Variants in NRG2 observed in about 807,000 individuals in gnomAD.
NRG2 encodes neuregulin 2.
Under a neutral mutation model 73.9 loss-of-function variants are expected in NRG2, and 27 were observed. The ratio of observed to expected loss-of-function variants is 0.37; its 90% CI spans 0.27 to 0.50. NRG2 has a LOEUF of 0.50. Ranked by LOEUF, NRG2 falls within the 20% of genes least tolerant of loss-of-function variation. The pLI, the probability that NRG2 is intolerant of heterozygous loss-of-function variation, is 0.96. For synonymous variants in NRG2, 532 were observed against 541.0 expected, an observed-to-expected ratio of 0.98 and a Z score of 0.23; for missense variants, 1,126 against 1,210.1, an observed-to-expected ratio of 0.93 and a Z score of 1.03.
At chr5:140,031,144 C>T (rs1761113074) in intron 1 of NRG2, among the ~76,000 whole-genome samples, 1 of 152,096 alleles carries the variant, frequency 6.6e-6, no homozygotes, top group Admixed American at 6.6e-5. Flanking sequence ...GAATTTTATA[C>T]CAAAAATTTC....
chr5:139,992,364 T>C (rs2126597471), intron 1 of NRG2, among the ~76,000 whole-genome samples: 1 of 152,360 alleles, frequency 6.6e-6, no homozygotes, highest in East Asian at 1.9e-4. Flanking sequence ...CTCCTATTAC[T>C]GCTAATAGTT....
chr5:139,977,731 G>A (rs2126550378), intron 1 of NRG2, among the ~76,000 whole-genome samples: 1 of 152,314 alleles, frequency 6.6e-6, no homozygotes, highest in East Asian at 1.9e-4. Context: ...GCATGGTACT[G>A]GTACCAAAAC....
intron 1 of NRG2, among the ~76,000 whole-genome samples, chr5:140,017,504 C>A (rs1759886273): frequency 6.6e-6 from 1 of 152,112 alleles, no homozygotes; most frequent in Non-Finnish European, 1.5e-5. Context: ...AGGAGGACAA[C>A]TAAGGAGGTA....
chr5:139,898,065 G>A (rs144624331), intron 1 of NRG2, among the ~76,000 whole-genome samples: 130 of 152,356 alleles, frequency 8.5e-4, no homozygotes, highest in Admixed American at 5.2e-3. Context: ...AGCACATTTC[G>A]AGTGCTGAGG....
At chr5:139,908,222 A>C (rs189569434) in intron 1 of NRG2, among the ~76,000 whole-genome samples, 1 of 152,246 alleles carries the variant, frequency 6.6e-6, no homozygotes, top group African/African-American at 2.4e-5. Flanking sequence ...TTAGTAAATA[A>C]TGGGAAGTTG....
Position 140,018,985 on chromosome 5 carries a change from C to A in NRG2, c.700+23385G>T, listed in dbSNP as rs181158195. Among the ~76,000 whole-genome samples, 87 of 152,262 alleles carry A rather than the reference C, an allele frequency of 5.7e-4. 1 individual carries two copies. The highest frequency in any genetic ancestry group is 1.2e-3 in the Non-Finnish European group (79 of 68,026). ...ATGCTGCCTCCTAGGTCCATATTATCCAAAGTTCCCAAAGCACAGGGTAAG... is the reference window on the plus strand; with the variant it reads ...ATGCTGCCTCCTAGGTCCATATTATACAAAGTTCCCAAAGCACAGGGTAAG... On this transcript the variant is annotated intron_variant, in intron 1 of 9. Transcript: ENST00000361474.
intron 1 of NRG2, among the ~76,000 whole-genome samples, chr5:139,893,374 T>C (rs984413087): frequency 6.6e-6 from 1 of 151,922 alleles, no homozygotes; most frequent in African/African-American, 2.4e-5. Context: ...CATGCATATT[T>C]TCTCATGCAG....
chr5:139,874,979 C>A (rs914986235), intron 3 of NRG2, among the ~76,000 whole-genome samples: 1 of 152,216 alleles, frequency 6.6e-6, no homozygotes, highest in African/African-American at 2.4e-5. Context: ...TATAGCTATT[C>A]TAGCATAATT....
Position 139,904,408 on chromosome 5 carries a change from G to T in NRG2, c.701-16897C>A. Reference sequence around the variant, plus strand: ...CCTGGACTCCGACATTCTGCACGGGGTCCCAGGCGGTGGGACGGCCTCAGC... The same window carrying T: ...CCTGGACTCCGACATTCTGCACGGGTTCCCAGGCGGTGGGACGGCCTCAGC... On this transcript the variant is annotated intron_variant, in intron 1 of 9. Coordinates refer to ENST00000361474, the MANE Select transcript of NRG2 (RefSeq NM_004883.3). This position sits in a 1 kb window ranked among gnomAD's most constrained non-coding sequence, Gnocchi z 6.0. 1 of 1,495,286 alleles carries T rather than the reference G, an allele frequency of 6.7e-7. No individual in the cohort carries two copies. The highest frequency in any genetic ancestry group is 1.2e-5 in the South Asian group (1 of 86,404). 92.6% of individuals were successfully genotyped at this position (1,495,286 alleles called of 1,614,324 possible).
intron 3 of NRG2, among the ~76,000 whole-genome samples, chr5:139,880,372 T>C (rs749272649): frequency 4.6e-5 from 7 of 152,054 alleles, no homozygotes; most frequent in Non-Finnish European, 1.0e-4. Context: ...GGGGAGGAGT[T>C]TGCCCTCCCT....
chr5:139,987,910 G>A (rs1040233204), intron 1 of NRG2, among the ~76,000 whole-genome samples: 5 of 152,006 alleles, frequency 3.3e-5, no homozygotes, highest in Non-Finnish European at 7.4e-5. Flanking sequence ...GAGTAGCTGG[G>A]ACTATAGGCG....
chr5:140,016,354 C>T (rs180964702), intron 1 of NRG2, among the ~76,000 whole-genome samples: 11 of 152,324 alleles, frequency 7.2e-5, no homozygotes, highest in African/African-American at 2.2e-4. Context: ...TTTAACTATA[C>T]GATTCTAATA....
intron 1 of NRG2, among the ~76,000 whole-genome samples, chr5:139,911,538 G>A (rs1435685478): frequency 2.0e-5 from 3 of 152,232 alleles, no homozygotes; most frequent in Admixed American, 6.5e-5. Flanking sequence ...TGTTAGGCTG[G>A]GAGAGGCAGT....
intron 6 of NRG2, 37 bp downstream of exon 6, chr5:139,855,639 G>A: frequency 6.4e-7 from 1 of 1,553,532 alleles, no homozygotes; most frequent in Non-Finnish European, 8.9e-7. Flanking sequence ...CCATCCCTTG[G>A]CTTGGCCTGT....
intron 1 of NRG2, among the ~76,000 whole-genome samples, chr5:139,968,623 C>T (rs1755742269): frequency 6.6e-6 from 1 of 152,206 alleles, no homozygotes; most frequent in Non-Finnish European, 1.5e-5. Flanking sequence ...TGAGCGGCAG[C>T]GCCAGCTGTC....
chr5:139,968,850 A>G (rs923862256), intron 1 of NRG2, among the ~76,000 whole-genome samples: 2 of 152,228 alleles, frequency 1.3e-5, no homozygotes, highest in Non-Finnish European at 2.9e-5. Flanking sequence ...CAAAGCCCCT[A>G]CAGCTTTCCT....
intron 1 of NRG2, among the ~76,000 whole-genome samples, chr5:139,960,082 C>T (rs1754943409): frequency 6.6e-6 from 1 of 152,218 alleles, no homozygotes; most frequent in African/African-American, 2.4e-5. Flanking sequence ...ATTCATTCCA[C>T]ACATCAATTG....
At chr5:139,855,848 C>T (rs888660926) in intron 5 of NRG2, 70 bp from the exon 6 acceptor site, 108 of 1,220,652 alleles carry the variant, frequency 8.8e-5, no homozygotes, top group Non-Finnish European at 3.0e-5. Flanking sequence ...GTGCAGAGAC[C>T]CCTTTGCCCC....
chr5:139,976,079 C>T (rs976896979), intron 1 of NRG2, among the ~76,000 whole-genome samples: 2 of 152,130 alleles, frequency 1.3e-5, no homozygotes, highest in Admixed American at 1.3e-4. Context: ...AAAGGTGACA[C>T]AGAGAGGCTG....
Sources: allele counts gnomAD v4.1 joint callset (sites outside exome capture counted in the v4.1 genomes callset), GRCh38; gene constraint gnomAD v4.1.1; non-coding constraint Gnocchi (gnomAD v3.1); transcripts MANE v1.5; gene names NCBI Gene and HGNC (gene_info 2026-07-23, HGNC 2026-07-21).